Variants in CHST15 observed in about 807,000 individuals in gnomAD.
CHST15 encodes the protein B cell RAG associated protein (GALNAC4S-6ST).
Under a neutral mutation model 53.6 loss-of-function variants are expected in CHST15, and 30 were observed. That is an observed-to-expected ratio of 0.56 (90% CI 0.42 to 0.76). The LOEUF (loss-of-function observed/expected upper bound fraction) is 0.76, where lower values mean the gene tolerates loss of function less well. Ranked by LOEUF, CHST15 falls within the 30% of genes least tolerant of loss-of-function variation. The pLI is 0.00. For synonymous variants in CHST15, 296 were observed against 289.8 expected (o/e 1.02, Z -0.22); for missense variants, 627 against 740.5 (o/e 0.85, Z 1.78).
chr10:124,007,982 TG>T lies in CHST15; in HGVS notation c.*2166del, dbSNP rs398097269. On this transcript the variant is annotated 3_prime_UTR_variant, in exon 8 of 8. Transcript: ENST00000435907. The stretch of plus-strand genomic sequence containing the variant: ...AAGCAGAGGCAGCCGAAGTGCCCTC[TG>T]GAGAGAAAGGCCCCTGGAGGGAAAA... The T allele has an allele frequency of 8.6e-7, 1 of 1,159,924 alleles. No individual in the cohort carries two copies. Among genetic ancestry groups the T allele is most frequent in the East Asian group, 3.7e-5 (1 of 27,292 alleles). 71.9% of individuals were successfully genotyped at this position (1,159,924 alleles called of 1,614,324 possible).
chr10:124,035,726 T>C (rs577360753), intron 5 of CHST15, among the ~76,000 whole-genome samples: 1 of 152,218 alleles, frequency 6.6e-6, no homozygotes, highest in African/African-American at 2.4e-5. Context: ...GAAGGCTTCA[T>C]CTTAACCCAC....
intron 1 of CHST15, among the ~76,000 whole-genome samples, chr10:124,082,315 G>C (rs2134220422): frequency 6.6e-6 from 1 of 152,262 alleles, no homozygotes; most frequent in East Asian, 1.9e-4. Flanking sequence ...CCAAAAACCG[G>C]TATTCAATCC....
At chr10:124,023,499 A>AG (rs59940152) in intron 5 of CHST15, among the ~76,000 whole-genome samples, 3 of 150,810 alleles carry the variant, frequency 2.0e-5, no homozygotes, top group African/African-American at 7.3e-5. Context: ...AAAAAAAAAA[A>AG]GAGGTGTTTT....
rs1221677155 is a variant in CHST15, at chr10:124,046,263, C to T, written c.-51G>A. On this transcript the variant is annotated 5_prime_UTR_variant, in exon 2 of 8. Transcript: ENST00000435907. Reference sequence around the variant, plus strand: ...GGCTTACCGAGCCATGGGTGGGCCCCCCACGAGTCTGGATGTCCGCAAGTC... The same window carrying T: ...GGCTTACCGAGCCATGGGTGGGCCCTCCACGAGTCTGGATGTCCGCAAGTC... 6 of 1,516,324 alleles carry T rather than the reference C, an allele frequency of 4.0e-6. No individual in the cohort carries two copies. The highest frequency in any genetic ancestry group is 5.3e-6 in the Non-Finnish European group (6 of 1,130,000). The allele number at this position is 1,516,324 out of a possible 1,614,324, so 93.9% of individuals were successfully genotyped here.
Position 124,042,452 on chromosome 10 carries a change from GAGAACCA to G in CHST15, c.887-12_887-6del, listed in dbSNP as rs1947777837. 1.2e-6 allele frequency: 2 copies of G among 1,613,336 alleles called. No homozygotes were observed. The highest frequency in any genetic ancestry group is 2.7e-5 in the African/African-American group (2 of 74,908). On this transcript the variant is annotated splice_polypyrimidine_tract_variant and splice_region_variant and intron_variant, in intron 3 of 7. Coordinates refer to ENST00000435907, the MANE Select transcript of CHST15 (RefSeq NM_001270764.2). Reference sequence around the variant, plus strand: ...CATCTCTTAGGCGGACGATTCCTATGAGAACCAAGAAGCAGGAGATACTGAGGACAAA... The same window carrying G: ...CATCTCTTAGGCGGACGATTCCTATGAGAAGCAGGAGATACTGAGGACAAA...
At chr10:124,068,258 G>A (rs1451474968) in intron 1 of CHST15, among the ~76,000 whole-genome samples, 1 of 152,114 alleles carries the variant, frequency 6.6e-6, no homozygotes, top group Admixed American at 6.5e-5. Flanking sequence ...TAGACAGCTG[G>A]AGTTCTCATC....
At chr10:124,028,482 G>A (rs1304682942) in intron 5 of CHST15, among the ~76,000 whole-genome samples, 10 of 152,166 alleles carry the variant, frequency 6.6e-5, no homozygotes, top group Non-Finnish European at 2.9e-5. Flanking sequence ...ACGTACCGTA[G>A]CATCCACCCA....
intron 1 of CHST15, among the ~76,000 whole-genome samples, chr10:124,091,771 G>A (rs1338744379): frequency 4.6e-5 from 7 of 151,980 alleles, no homozygotes; most frequent in African/African-American, 1.7e-4. Context: ...CCCGCCCCCA[G>A]GAGCTGGTCC....
chr10:124,009,462 A>T lies in CHST15; in HGVS notation c.*687T>A, dbSNP rs566633399. On this transcript the variant is annotated 3_prime_UTR_variant, in exon 8 of 8. Transcript: ENST00000435907. Reference sequence around the variant, plus strand: ...TGAAGGTGCTGCCAAAAACTGACTTATTTTTTTCCTTTTGGAAACAGTGAC... The same window carrying T: ...TGAAGGTGCTGCCAAAAACTGACTTTTTTTTTTCCTTTTGGAAACAGTGAC... The T allele has an allele frequency of 1.6e-5, 16 of 988,172 alleles. No individual in the cohort carries two copies. In the East Asian group the frequency reaches 1.8e-3, roughly 112 times the overall value. 61.2% of individuals were successfully genotyped at this position (988,172 alleles called of 1,614,324 possible). A position where few individuals can be genotyped will look rare whatever the true frequency, so the allele number is the denominator to read the frequency against.
chr10:124,081,941 G>C (rs377463599), intron 1 of CHST15, among the ~76,000 whole-genome samples: 24 of 152,324 alleles, frequency 1.6e-4, no homozygotes, highest in African/African-American at 5.3e-4. Context: ...CTCTGAATTG[G>C]TTCCTAATTT....
chr10:124,021,245 G>GGGGC lies in CHST15; in HGVS notation c.1347+10_1347+11insGCCC. 2 of 1,568,984 alleles carry GGGGC rather than the reference G, an allele frequency of 1.3e-6. No individual in the cohort carries two copies. Among genetic ancestry groups the GGGGC allele is most frequent in the Non-Finnish European group, 1.7e-6 (2 of 1,147,722 alleles). ...GCCAGCTCGGGGGGTACGGGGGGGG[G>GGGGC]GGGTACACACAGGCATGGCGTTGTT... On this transcript the variant is annotated intron_variant, in intron 6 of 7. Coordinates refer to ENST00000435907, the MANE Select transcript of CHST15 (RefSeq NM_001270764.2).
intron 1 of CHST15, among the ~76,000 whole-genome samples, chr10:124,051,529 T>C (rs1948196068): frequency 6.6e-6 from 1 of 152,222 alleles, no homozygotes; most frequent in South Asian, 2.1e-4. Flanking sequence ...TGTCCACATT[T>C]GGTGCCGGTC....
intron 5 of CHST15, among the ~76,000 whole-genome samples, chr10:124,027,482 G>A (rs1033973560): frequency 1.3e-5 from 2 of 152,202 alleles, no homozygotes; most frequent in Non-Finnish European, 2.9e-5. Context: ...CACTTACAGC[G>A]TGCTGTTCTG....
intron 5 of CHST15, among the ~76,000 whole-genome samples, chr10:124,025,587 C>T (rs890187330): frequency 1.3e-5 from 2 of 152,178 alleles, no homozygotes; most frequent in African/African-American, 4.8e-5. Context: ...CATCTGGATT[C>T]CGTAGTTGGA....
chr10:124,038,103 A>ATT lies in CHST15; in HGVS notation c.1190+410_1190+411dup, dbSNP rs371470071. On this transcript the variant is annotated intron_variant, in intron 5 of 7. Transcript: ENST00000435907. ...GTTCCGTTTATTTTTGTTTGTTTTTATTTTATTTTATTTTTTTTTTTGAGA... is the reference window on the plus strand; with the variant it reads ...GTTCCGTTTATTTTTGTTTGTTTTTATTTTTTATTTTATTTTTTTTTTTGAGA... Among the ~76,000 whole-genome samples, 589 of 143,322 alleles carry ATT rather than the reference A, an allele frequency of 4.1e-3. 4 individuals are homozygous for ATT. The highest frequency in any genetic ancestry group is 0.014 in the African/African-American group (572 of 40,034). The allele number at this position is 143,322 out of a possible 152,430, so 94.0% of individuals were successfully genotyped here.
chr10:124,038,255 T>A lies in CHST15; in HGVS notation c.1190+260A>T, dbSNP rs376238034. Among the ~76,000 whole-genome samples, 9 of 152,134 alleles carry A rather than the reference T, an allele frequency of 5.9e-5. No homozygotes were observed. The South Asian group carries it at 6.2e-4, about 11-fold the overall frequency. ...CCGAGTAGCTGGGACTATAGGAGTG[T>A]GCCACCACATCTGGTAATTTTTGTA... On this transcript the variant is annotated intron_variant, in intron 5 of 7. Transcript: ENST00000435907.
At chr10:124,057,400 G>A (rs2134077509) in intron 1 of CHST15, among the ~76,000 whole-genome samples, 1 of 152,260 alleles carries the variant, frequency 6.6e-6, no homozygotes, top group African/African-American at 2.4e-5. Context: ...AGTGGCCCAC[G>A]CACTTTTGCA....
intron 4 of CHST15, among the ~76,000 whole-genome samples, chr10:124,041,448 G>A (rs958737498): frequency 2.0e-5 from 3 of 152,162 alleles, no homozygotes; most frequent in African/African-American, 7.2e-5. Context: ...CTAAGGTAGA[G>A]CATGTGCACT....
intron 6 of CHST15, among the ~76,000 whole-genome samples, chr10:124,017,484 G>A (rs1946624969): frequency 1.3e-5 from 2 of 150,922 alleles, no homozygotes; most frequent in Non-Finnish European, 3.0e-5. Context: ...GGATCACCAA[G>A]AGGAGAAAGT....
Sources: allele counts gnomAD v4.1 joint callset (sites outside exome capture counted in the v4.1 genomes callset), GRCh38; gene constraint gnomAD v4.1.1; transcripts MANE v1.5; gene names NCBI Gene and HGNC (gene_info 2026-07-23, HGNC 2026-07-21).